Variants in SGCD observed in about 807,000 individuals in gnomAD.
The protein encoded by SGCD is delta-sarcoglycan.
Under a neutral mutation model 36.6 loss-of-function variants are expected in SGCD, and 18 were observed. That is an observed-to-expected ratio of 0.49 (90% confidence interval 0.34 to 0.73). The LOEUF is 0.73. Ranked by LOEUF, SGCD falls within the 30% of genes least tolerant of loss-of-function variation. The pLI is 0.01. For synonymous variants in SGCD, 133 were observed against 130.6 expected (o/e 1.02, Z -0.12); for missense variants, 387 against 346.7 (o/e 1.12, Z -0.92).
At chr5:156,152,055 CT>C (rs1192654194) in intron 3 of SGCD, among the ~76,000 whole-genome samples, 38 of 150,984 alleles carry the variant, frequency 2.5e-4, no homozygotes, top group South Asian at 1.0e-3. Context: ...ATGGGAGATA[CT>C]TTTTTGAAAA....
the SGCD span, among the ~76,000 whole-genome samples, chr5:155,861,430 C>T: frequency 1.1e-4 from 17 of 151,712 alleles, no homozygotes; most frequent in East Asian, 3.9e-4. Context: ...TGACTGGACA[C>T]GGTGGCTCAC....
At chr5:156,451,890 G>A (rs1015269715) in intron 3 of SGCD, among the ~76,000 whole-genome samples, 6 of 152,076 alleles carry the variant, frequency 3.9e-5, no homozygotes, top group South Asian at 4.1e-4. Context: ...TTGAGCTGTC[G>A]TTCTGTGCCA....
At chr5:156,267,229 T>A (rs1042242161) in intron 3 of SGCD, among the ~76,000 whole-genome samples, 2 of 152,294 alleles carry the variant, frequency 1.3e-5, no homozygotes, top group South Asian at 4.1e-4. Context: ...TGTGTCACAT[T>A]TCATCTTAAG....
intron 3 of SGCD, among the ~76,000 whole-genome samples, chr5:156,132,032 G>A (rs1190698615): frequency 6.6e-6 from 1 of 152,052 alleles, no homozygotes; most frequent in South Asian, 2.1e-4. Context: ...TTTCCTATAA[G>A]GAAAAATTAA....
At chr5:156,492,642 G>C (rs1168127996) in intron 3 of SGCD, among the ~76,000 whole-genome samples, 2 of 152,034 alleles carry the variant, frequency 1.3e-5, no homozygotes, top group East Asian at 3.9e-4. Context: ...GTATACACGT[G>C]CCATGATGGT....
intron 3 of SGCD, among the ~76,000 whole-genome samples, chr5:156,144,564 C>T (rs565546459): frequency 3.3e-5 from 5 of 152,220 alleles, no homozygotes; most frequent in East Asian, 1.9e-4. Flanking sequence ...TCATATCCTT[C>T]GCCCACTTGT....
chr5:156,160,544 G>A (rs1459697821), intron 3 of SGCD, among the ~76,000 whole-genome samples: 3 of 151,580 alleles, frequency 2.0e-5, no homozygotes, highest in African/African-American at 2.4e-5. Flanking sequence ...ATATAAGAGG[G>A]TATCTCTTAT....
chr5:155,784,138 C>T, the SGCD span, among the ~76,000 whole-genome samples: 1 of 152,108 alleles, frequency 6.6e-6, no homozygotes, highest in African/African-American at 2.4e-5. Context: ...GGGATCTGGG[C>T]TGGCAGAAGC....
chr5:156,582,518 T>C (rs1363112139), intron 4 of SGCD, among the ~76,000 whole-genome samples: 1 of 152,176 alleles, frequency 6.6e-6, no homozygotes, highest in African/African-American at 2.4e-5. Context: ...TGAATCCAGG[T>C]TACACTCCGT....
intron 4 of SGCD, among the ~76,000 whole-genome samples, chr5:156,546,964 A>C (rs907316708): frequency 1.3e-5 from 2 of 152,244 alleles, no homozygotes; most frequent in African/African-American, 2.4e-5. Context: ...CTGGATTTCA[A>C]GTAAGAAAAA....
At chr5:156,489,550 A>G (rs1755848560) in intron 3 of SGCD, among the ~76,000 whole-genome samples, 1 of 152,112 alleles carries the variant, frequency 6.6e-6, no homozygotes, top group Admixed American at 6.5e-5. Context: ...AATGAAAAAA[A>G]TAGAAGTTAA....
intron 3 of SGCD, among the ~76,000 whole-genome samples, chr5:156,464,214 A>ATTTTT (rs1318941829): frequency 3.2e-5 from 4 of 125,328 alleles, no homozygotes; most frequent in African/African-American, 6.1e-5. Context: ...TTGAATCTAC[A>ATTTTT]TATTTTTTTT....
At chr5:156,208,509 G>A (rs532120124) in intron 3 of SGCD, among the ~76,000 whole-genome samples, 50 of 152,306 alleles carry the variant, frequency 3.3e-4, no homozygotes, top group South Asian at 8.3e-4. Flanking sequence ...GGATGTGGGT[G>A]ATATAGGTGT....
chr5:156,021,436 C>T (rs1311389908), intron 1 of SGCD, among the ~76,000 whole-genome samples: 1 of 152,102 alleles, frequency 6.6e-6, no homozygotes. Context: ...GGGAGGATCG[C>T]TTGAGCCCAA....
At chr5:155,969,938 C>T (rs1757977304) in intron 1 of SGCD, among the ~76,000 whole-genome samples, 1 of 151,242 alleles carries the variant, frequency 6.6e-6, no homozygotes, top group Non-Finnish European at 1.5e-5. Context: ...CTTTTTTTTT[C>T]AGCTTGACAA....
intron 3 of SGCD, among the ~76,000 whole-genome samples, chr5:156,283,328 C>A (rs963615467): frequency 1.3e-5 from 2 of 152,196 alleles, no homozygotes; most frequent in Admixed American, 1.3e-4. Flanking sequence ...GAACTGTTCT[C>A]TGGTGTAACT....
At chr5:156,241,464 A>T (rs1050969053) in intron 3 of SGCD, among the ~76,000 whole-genome samples, 1 of 152,202 alleles carries the variant, frequency 6.6e-6, no homozygotes, top group South Asian at 2.1e-4. Flanking sequence ...TGAATGACTC[A>T]TTGTGGGCTT....
chr5:156,425,579 T>C (rs1393377631), intron 3 of SGCD, among the ~76,000 whole-genome samples: 1 of 151,890 alleles, frequency 6.6e-6, no homozygotes, highest in Non-Finnish European at 1.5e-5. Context: ...TTAATTTCCA[T>C]AGTTTTGGGG....
chr5:155,914,194 G>A (rs1180359623), intron 1 of SGCD, among the ~76,000 whole-genome samples: 1 of 152,134 alleles, frequency 6.6e-6, no homozygotes. Flanking sequence ...GTTTTTAGGT[G>A]TGCCAGGAGC....
Sources: gnomAD v4.1 joint callset for allele counts (sites outside exome capture counted in the v4.1 genomes callset) on GRCh38, gnomAD v4.1.1 for gene constraint, MANE v1.5 for transcripts, NCBI Gene and HGNC (gene_info 2026-07-23, HGNC 2026-07-21) for gene names.